The following TTN variants were observed in gnomAD, a reference collection of about 807,000 sequenced individuals.
TTN encodes the protein connectin.
TTN carries 1,525 observed loss-of-function variants against 3,223.0 expected under a neutral mutation model. The ratio of observed to expected loss-of-function variants is 0.47; its 90% CI spans 0.45 to 0.49. The LOEUF (loss-of-function observed/expected upper bound fraction) is 0.49. Ranked by LOEUF, TTN falls within the 20% of genes least tolerant of loss-of-function variation. The pLI, the probability that TTN is intolerant of heterozygous loss-of-function variation, is 0.00. For missense variants in TTN, 40,786 were observed against 43,424.0 expected (o/e 0.94, Z 5.40); for synonymous variants, 14,094 against 15,161.0 (o/e 0.93, Z 5.17).
At chr2:178,713,817 G>A in intron 92 of TTN, 80 bp downstream of exon 92, 3 of 1,511,824 alleles carry the variant, frequency 2.0e-6, no homozygotes, top group Non-Finnish European at 2.7e-6. Context: ...TATAGAAGAT[G>A]TAACAACCCA....
At position 178,534,190 on chromosome 2, in the gene TTN, A is replaced by G. The variant is rs1690422434; in HGVS notation, c.102425T>C (p.Ile34142Thr). The G allele has an allele frequency of 6.2e-7, 1 of 1,613,828 alleles. No homozygotes were observed. Among genetic ancestry groups the G allele is most frequent in the Non-Finnish European group, 8.5e-7 (1 of 1,179,868 alleles). ...TCCTTCTTCACCAACTGCATGCATT[A>G]TCTGCCCAGAAACTGGGCCAATTTC... ...SIEIGPVSGQ[I>T]MHAVGEEGGH... Residue 34142 changes from isoleucine to threonine, a missense_variant, in exon 358 of 363, where the codon ATA becomes ACA. Ile to Thr is a moderately conservative substitution (Grantham distance 89, BLOSUM62 -1). Coordinates refer to ENST00000589042, the MANE Select transcript of TTN (RefSeq NM_001267550.2).
Position 178,577,838 on chromosome 2 carries a change from G to T in TTN, c.68588C>A (p.Thr22863Asn). 1 of 1,605,122 alleles carries T rather than the reference G, an allele frequency of 6.2e-7. No individual in the cohort carries two copies. The highest frequency in any genetic ancestry group is 1.7e-5 in the Admixed American group (1 of 59,086). The part of the protein sequence containing the change: ...ITRNSVTLIW[T>N]EPKYDGGHKL... ...ATGACCACCGTCATATTTAGGTTCA[G>T]TCCAAATGAGAGTCACTGAATTCCT... is the stretch of plus-strand genomic sequence containing the variant. Residue 22863 changes from threonine (T) to asparagine (N), a missense_variant, in exon 323 of 363, where the codon ACT (threonine) becomes AAT (asparagine). Coordinates refer to ENST00000589042, the MANE Select transcript of TTN (RefSeq NM_001267550.2).
chr2:178,621,035 A>G, intron 246 of TTN, 42 bp from the exon 247 acceptor site: 2 of 1,604,754 alleles, frequency 1.2e-6, no homozygotes, highest in South Asian at 2.2e-5. Context: ...AATAATGATC[A>G]AAGTGGTAAA....
At chr2:178,578,578 G>A in intron 321 of TTN, 33 bp downstream of exon 321, 1 of 1,503,410 alleles carries the variant, frequency 6.7e-7, no homozygotes, top group Non-Finnish European at 9.2e-7. Flanking sequence ...GAATCTTGAT[G>A]TAAAAGCTGT....
rs1336755823 is a variant in TTN, at chr2:178,550,992, G to A, written c.91539C>T (p.Gly30513=). 2 of 1,612,984 alleles carry A rather than the reference G, an allele frequency of 1.2e-6. No homozygotes were observed. The highest frequency in any genetic ancestry group is 8.5e-7 in the Non-Finnish European group (1 of 1,179,506). The part of the protein sequence containing the change: ...GTISPPSQSS[G]IIMTRDENVP... ...CATTTTCATCTCTTGTCATAATAAT[G>A]CCAGAAGACTGTGAGGGCGGGCTTA... Residue 30513 remains glycine (G), a synonymous_variant, in exon 336 of 363, where the codon GGC becomes GGT. Coordinates refer to ENST00000589042, the MANE Select transcript of TTN (RefSeq NM_001267550.2).
rs1259652102 is a variant in TTN, at chr2:178,757,174, A to C, written c.10678+368T>G. On this transcript the variant is annotated intron_variant, in intron 45 of 362. Transcript: ENST00000589042. ...CTTTAAGTACAGTAAGTAATACTGTACTTACTTTAAGTACAGTAAGTAATA... is the reference window on the plus strand; with the variant it reads ...CTTTAAGTACAGTAAGTAATACTGTCCTTACTTTAAGTACAGTAAGTAATA... Among the ~76,000 whole-genome samples, 7 of 151,588 alleles carry C rather than the reference A, an allele frequency of 4.6e-5. 3 individuals are homozygous for C. Among genetic ancestry groups the C allele is most frequent in the Admixed American group, 1.3e-4 (2 of 15,248 alleles).
Position 178,714,395 on chromosome 2 carries a change from G to A in TTN, c.26379C>T (p.Thr8793=), listed in dbSNP as rs768535816. The A allele has an allele frequency of 1.2e-6, 2 of 1,613,744 alleles. No individual in the cohort carries two copies. The highest frequency in any genetic ancestry group is 1.7e-6 in the Non-Finnish European group (2 of 1,179,754). The change falls in exon 91 of 363, where the codon ACC becomes ACT. Residue 8793 remains threonine, a synonymous_variant. Coordinates refer to ENST00000589042, the MANE Select transcript of TTN (RefSeq NM_001267550.2). ...IWISYSENIA[T]LQFSRVEPAN... is the part of the protein sequence containing the mutation. ...CTGGTTCCACTCTTGAAAACTGTAA[G>A]GTTGCAATGTTTTCTGAATAAGAAA...
In TTN at chr2:178,574,311, C is replaced by T. The variant is rs879251642; in HGVS notation, c.71821G>A (p.Val23941Ile). ...PVPLNITRHT[V>I]TLKWAKPEYT... ...TCAGGCTTAGCCCATTTAAGTGTTA[C>T]TGTGTGTCTTGTAATATTTAGAGGT... is the stretch of plus-strand genomic sequence containing the variant. The change falls in exon 326 of 363, where the codon GTA (valine) becomes ATA (isoleucine). Residue 23941 changes from valine (V) to isoleucine (I), a missense_variant. Val to Ile is a conservative substitution (Grantham distance 29). Coordinates refer to ENST00000589042, the MANE Select transcript of TTN (RefSeq NM_001267550.2). 5.0e-6 allele frequency: 8 copies of T among 1,613,406 alleles called. No homozygotes were observed. In the African/African-American group the frequency reaches 5.3e-5, roughly 11 times the overall value.
At chr2:178,771,115 T>G in intron 34 of TTN, 96 bp downstream of exon 34, 1 of 1,569,962 alleles carries the variant, frequency 6.4e-7, no homozygotes, top group Non-Finnish European at 8.7e-7. Flanking sequence ...AAATGAAAAT[T>G]TATGGTATCC....
Position 178,618,073 on chromosome 2 carries a change from C to G in TTN, c.47278G>C (p.Gly15760Arg). The G allele has an allele frequency of 6.2e-7, 1 of 1,611,942 alleles. No individual in the cohort carries two copies. The highest frequency in any genetic ancestry group is 8.5e-7 in the Non-Finnish European group (1 of 1,178,966). ...VEARSKYDVP[G>R]PPLNVTITDV... ...GTGATGGTTACATTCAAAGGAGGGC[C>G]TGGAACATCTGGATTTCACCACAGA... The change falls in exon 253 of 363, where the codon GGC becomes CGC. Residue 15760 changes from glycine to arginine, a missense_variant. Transcript: ENST00000589042.
chr2:178,675,876 A>C, intron 148 of TTN, 45 bp downstream of exon 148: 1 of 1,575,962 alleles, frequency 6.3e-7, no homozygotes, highest in Non-Finnish European at 8.6e-7. Context: ...TTTATAGGAG[A>C]AGGAAGGAAA....
Position 178,545,993 on chromosome 2 carries a change from C to A in TTN, c.95243G>T (p.Arg31748Leu). Residue 31748 changes from arginine (R) to leucine (L), a missense_variant, in exon 343 of 363, where the codon CGC becomes CTC. Transcript: ENST00000589042. Reference sequence around the variant, plus strand: ...CACCCAGTTGAGCCTGCTAGTCTCGCGTCTTTCCACGATGTAGTGAGTGAT... The same window carrying A: ...CACCCAGTTGAGCCTGCTAGTCTCGAGTCTTTCCACGATGTAGTGAGTGAT... ...AEITHYIVER[R>L]ETSRLNWVIV... The A allele has an allele frequency of 6.2e-7, 1 of 1,613,802 alleles. No homozygotes were observed. The highest frequency in any genetic ancestry group is 8.5e-7 in the Non-Finnish European group (1 of 1,179,784).
chr2:178,727,369 G>C lies in TTN; in HGVS notation c.19996C>G (p.Pro6666Ala), dbSNP rs571231816. ...TCTAATTTCTTTACAAACTTTGGTG[G>C]TTCTAAAGAGTCAGGAAAGAGGAGA... is the stretch of plus-strand genomic sequence containing the variant. Reference protein sequence around the residue: ...SCTTMLLVTEPPKFVKKLEAS... With the variant: ...SCTTMLLVTEAPKFVKKLEAS... Residue 6666 changes from proline (P) to alanine (A), a missense_variant and splice_region_variant, in exon 69 of 363, where the codon CCA becomes GCA. Coordinates refer to ENST00000589042, the MANE Select transcript of TTN (RefSeq NM_001267550.2). The C allele has an allele frequency of 1.3e-6, 2 of 1,582,146 alleles. No individual in the cohort carries two copies. The highest frequency in any genetic ancestry group is 1.8e-5 in the Admixed American group (1 of 55,120).
In TTN at chr2:178,564,650, A is replaced by G. The variant is rs761391019; in HGVS notation, c.81482T>C (p.Val27161Ala). 9 of 1,613,552 alleles carry G rather than the reference A, an allele frequency of 5.6e-6. No homozygotes were observed. In the South Asian group the frequency reaches 8.8e-5, roughly 16 times the overall value. The change falls in exon 326 of 363, where the codon GTG becomes GCG. Residue 27161 changes from valine (V) to alanine (A), a missense_variant. Transcript: ENST00000589042. ...NIVGIGKPSK[V>A]SECFVARDPC... Reference sequence around the variant, plus strand: ...ATCACGAGCAACAAAGCATTCTGACACTTTGCTAGGCTTGCCAATGCCAAC... The same window carrying G: ...ATCACGAGCAACAAAGCATTCTGACGCTTTGCTAGGCTTGCCAATGCCAAC...
Position 178,582,197 on chromosome 2 carries a change from G to T in TTN, c.66172C>A (p.Arg22058Ser). ...IAKNPYDPPG[R>S]CDPPVISNIT... ...TTGCTAATAACAGGAGGATCACAGC[G>T]TCCTGGTGGGTCTGCAGAAATTGAT... The change falls in exon 315 of 363, where the codon CGC becomes AGC. Residue 22058 changes from arginine (R) to serine (S), a missense_variant. Physicochemically the swap from Arg to Ser is moderately radical, Grantham distance 110. Transcript: ENST00000589042. The T allele has an allele frequency of 1.2e-6, 2 of 1,603,578 alleles. No individual in the cohort carries two copies. The highest frequency in any genetic ancestry group is 1.7e-6 in the Non-Finnish European group (2 of 1,177,252).
chr2:178,580,670 A>T (rs1433520571), intron 316 of TTN, 61 bp from the exon 317 acceptor site: 3 of 1,489,120 alleles, frequency 2.0e-6, no homozygotes, highest in African/African-American at 1.4e-5. Context: ...ATTTCCAGGG[A>T]CTGGCCTTGT....
At chr2:178,693,888 C>A (rs2073068064) in intron 118 of TTN, 34 bp downstream of exon 118, 5 of 1,587,512 alleles carry the variant, frequency 3.1e-6, no homozygotes, top group Non-Finnish European at 4.3e-6. Flanking sequence ...AAAACCCTTC[C>A]ATTTGAGCCC....
chr2:178,531,789 A>C lies in TTN; in HGVS notation c.104826T>G (p.Pro34942=). 1.2e-6 allele frequency: 2 copies of C among 1,614,014 alleles called. No homozygotes were observed. The highest frequency in any genetic ancestry group is 1.7e-6 in the Non-Finnish European group (2 of 1,179,876). ...GCGAGCGCATTCTCAGTGTGATTCG[A>C]GGGGCATGGTCCAGTGTGAAAGGCT... ...SQQPFTLDHA[P]RITLRMRSHR... Residue 34942 remains proline, a synonymous_variant, in exon 358 of 363, where the codon CCT becomes CCG. Coordinates refer to ENST00000589042, the MANE Select transcript of TTN (RefSeq NM_001267550.2).
In TTN at chr2:178,591,684, G is replaced by A. The variant is rs778239892; in HGVS notation, c.60135C>T (p.Thr20045=). 1.9e-6 allele frequency: 3 copies of A among 1,613,368 alleles called. No individual in the cohort carries two copies. The highest frequency in any genetic ancestry group is 1.3e-5 in the African/African-American group (1 of 74,988). Residue 20045 remains threonine (T), a synonymous_variant, in exon 303 of 363, where the codon ACC becomes ACT. Coordinates refer to ENST00000589042, the MANE Select transcript of TTN (RefSeq NM_001267550.2). ...CVVTGLQQGK[T]YRFRVKAENI... is the part of the protein sequence containing the mutation. ...TTTCAGCTTTTACACGGAATCTATAGGTCTTTCCTTGTTGTAGTCCAGTAA... is the reference window on the plus strand; with the variant it reads ...TTTCAGCTTTTACACGGAATCTATAAGTCTTTCCTTGTTGTAGTCCAGTAA...
Sources: allele counts gnomAD v4.1 joint callset (sites outside exome capture counted in the v4.1 genomes callset), GRCh38; gene constraint gnomAD v4.1.1; transcripts MANE v1.5; gene names NCBI Gene and HGNC (gene_info 2026-07-23, HGNC 2026-07-21).